The following PIK3C2G variants were observed in gnomAD, a reference collection of about 807,000 sequenced individuals.
PIK3C2G encodes the protein phosphatidylinositol-4-phosphate 3-kinase catalytic subunit type 2 gamma, also known as phosphatidylinositol 3-kinase C2 domain-containing subunit gamma.
PIK3C2G carries 168 observed loss-of-function variants against 181.1 expected under a neutral mutation model. The ratio of observed to expected loss-of-function variants is 0.93; its 90% CI spans 0.82 to 1.05. PIK3C2G has a LOEUF of 1.05. Ranked by LOEUF, PIK3C2G falls within the 50% of genes least tolerant of loss-of-function variation. PIK3C2G has a pLI of 0.00. For synonymous variants in PIK3C2G, 573 were observed against 592.2 expected, an observed-to-expected ratio of 0.97 and a Z score of 0.47; for missense variants, 1,869 against 1,732.8, an observed-to-expected ratio of 1.08 and a Z score of -1.40.
chr12:18,544,032 G>C (rs1944300128), intron 25 of PIK3C2G, among the ~76,000 whole-genome samples: 1 of 151,810 alleles, frequency 6.6e-6, no homozygotes, highest in South Asian at 2.1e-4. Flanking sequence ...ATTGTACAAA[G>C]AAAGCAGTCA....
chr12:18,248,830 C>T (rs531106775), intron 1 of PIK3C2G, among the ~76,000 whole-genome samples: 1 of 152,196 alleles, frequency 6.6e-6, no homozygotes, highest in Non-Finnish European at 1.5e-5. Context: ...ACATAAAACA[C>T]ATAAATGTGT....
At chr12:18,250,225 A>G (rs1948082320) in intron 1 of PIK3C2G, among the ~76,000 whole-genome samples, 1 of 152,076 alleles carries the variant, frequency 6.6e-6, no homozygotes, top group Non-Finnish European at 1.5e-5. Context: ...AAAATGGCAC[A>G]TATTATGGAA....
At chr12:18,521,657 GA>G (rs1942926314) in intron 24 of PIK3C2G, among the ~76,000 whole-genome samples, 1 of 152,198 alleles carries the variant, frequency 6.6e-6, no homozygotes, top group Non-Finnish European at 1.5e-5. Context: ...GAGCTATAGA[GA>G]TGGCTGCCGC....
chr12:18,385,305 C>A (rs77604785), intron 14 of PIK3C2G, among the ~76,000 whole-genome samples: 171 of 152,288 alleles, frequency 1.1e-3, no homozygotes, highest in African/African-American at 4.0e-3. Context: ...CAGATGTGAT[C>A]ACTTCCAGGC....
At chr12:18,302,054 A>T (rs1162097757) in intron 5 of PIK3C2G, among the ~76,000 whole-genome samples, 1 of 152,094 alleles carries the variant, frequency 6.6e-6, no homozygotes, top group Non-Finnish European at 1.5e-5. Flanking sequence ...TTTGCTAGGG[A>T]CAAGGATACT....
chr12:18,267,140 T>C (rs956602460), intron 1 of PIK3C2G, among the ~76,000 whole-genome samples: 5 of 152,100 alleles, frequency 3.3e-5, no homozygotes, highest in African/African-American at 1.2e-4. Flanking sequence ...TCTGTATTCA[T>C]AGTATTTCTC....
At chr12:18,651,457 A>T (rs1354557533), downstream of PIK3C2G, among the ~76,000 whole-genome samples, 3 of 152,136 alleles carry the variant, frequency 2.0e-5, no homozygotes, top group African/African-American at 4.8e-5. Context: ...CTTATTATTT[A>T]TGCTTTGTCT....
Position 18,290,806 on chromosome 12 carries a change from T to A in PIK3C2G, c.762-49T>A, listed in dbSNP as rs571518793. The A allele has an allele frequency of 7.7e-6, 9 of 1,175,878 alleles. No individual in the cohort carries two copies. In the Admixed American group the frequency reaches 1.8e-4, roughly 24 times the overall value. 72.8% of individuals were successfully genotyped at this position (1,175,878 alleles called of 1,614,324 possible). A position where few individuals can be genotyped will look rare whatever the true frequency, so the allele number is the denominator to read the frequency against. ...ATTGTGGGCAATATGTTTTAAACTG[T>A]GTCTTGCAGGTCTTGTCCTAAGTAT... On this transcript the variant is annotated intron_variant, in intron 3 of 32. Coordinates refer to ENST00000538779, the MANE Select transcript of PIK3C2G (RefSeq NM_001288772.2).
chr12:18,244,188 A>G (rs1363821708), upstream of PIK3C2G, among the ~76,000 whole-genome samples: 1 of 152,018 alleles, frequency 6.6e-6, no homozygotes, highest in African/African-American at 2.4e-5. Flanking sequence ...AGAAAAATAT[A>G]TTTTACCCCA....
intron 24 of PIK3C2G, among the ~76,000 whole-genome samples, chr12:18,517,040 T>C (rs1481719823): frequency 6.6e-6 from 1 of 151,580 alleles, no homozygotes; most frequent in African/African-American, 2.4e-5. Context: ...CCTTTTTTTT[T>C]TTTTTGACAG....
chr12:18,673,735 T>C, the PIK3C2G span, among the ~76,000 whole-genome samples: 1 of 152,168 alleles, frequency 6.6e-6, no homozygotes, highest in Non-Finnish European at 1.5e-5. Context: ...TCATCTGACT[T>C]CTCATCAGGG....
chr12:18,342,824 A>G (rs1416936096), intron 9 of PIK3C2G, among the ~76,000 whole-genome samples: 1 of 152,050 alleles, frequency 6.6e-6, no homozygotes, highest in Non-Finnish European at 1.5e-5. Context: ...ATGACTCAAG[A>G]TATTTTATTT....
the PIK3C2G span, among the ~76,000 whole-genome samples, chr12:18,709,458 C>A: frequency 6.6e-6 from 1 of 152,078 alleles, no homozygotes; most frequent in East Asian, 1.9e-4. Context: ...TGTGATGCCT[C>A]CAACTTTGTT....
At chr12:18,281,382 C>T (rs986151886) in intron 1 of PIK3C2G, among the ~76,000 whole-genome samples, 37 of 150,426 alleles carry the variant, frequency 2.5e-4, no homozygotes, top group African/African-American at 9.8e-5. Flanking sequence ...GTATGGTGAA[C>T]GGTATCAAAT....
At chr12:18,686,037 C>T in the PIK3C2G span, among the ~76,000 whole-genome samples, 1 of 152,010 alleles carries the variant, frequency 6.6e-6, no homozygotes, top group Non-Finnish European at 1.5e-5. Context: ...TCCTTTTCCT[C>T]CCAGACTCTC....
chr12:18,252,157 T>C (rs569198633), intron 1 of PIK3C2G, among the ~76,000 whole-genome samples: 15 of 152,158 alleles, frequency 9.9e-5, no homozygotes, highest in Non-Finnish European at 2.2e-4. Context: ...GTTATTACAA[T>C]TCTCTGAGTA....
intron 7 of PIK3C2G, among the ~76,000 whole-genome samples, chr12:18,321,631 C>A (rs1951112088): frequency 6.6e-6 from 1 of 151,974 alleles, no homozygotes; most frequent in African/African-American, 2.4e-5. Flanking sequence ...AGGTACAGGT[C>A]ATAAATCTCT....
chr12:18,483,679 A>AC (rs1427192246), intron 18 of PIK3C2G, among the ~76,000 whole-genome samples: 9 of 152,032 alleles, frequency 5.9e-5, no homozygotes, highest in African/African-American at 1.9e-4. Flanking sequence ...CCTCAGGGAT[A>AC]CCCCCCGAGA....
intron 1 of PIK3C2G, among the ~76,000 whole-genome samples, chr12:18,270,498 T>A (rs571505195): frequency 1.3e-5 from 2 of 152,290 alleles, no homozygotes; most frequent in Non-Finnish European, 2.9e-5. Flanking sequence ...GGACTACTAC[T>A]GTTTTCCAGG....
Sources: gnomAD v4.1 joint callset for allele counts (sites outside exome capture counted in the v4.1 genomes callset) on GRCh38, gnomAD v4.1.1 for gene constraint, MANE v1.5 for transcripts, NCBI Gene and HGNC (gene_info 2026-07-23, HGNC 2026-07-21) for gene names.